Variants in HCRTR2 observed in about 807,000 individuals in gnomAD.
The protein encoded by HCRTR2 is orexin receptor type 2.
Under a neutral mutation model 49.0 loss-of-function variants are expected in HCRTR2, and 22 were observed. That is an observed-to-expected ratio of 0.45 (90% CI 0.32 to 0.64). HCRTR2 has a LOEUF of 0.64. HCRTR2 is among the 30% of genes least tolerant of loss of function. The probability of loss-of-function intolerance (pLI) is 0.04; values close to 1 mark genes in which losing one functional copy is unlikely to be tolerated. For missense variants in HCRTR2, 491 were observed against 559.4 expected (o/e 0.88, Z 1.23); for synonymous variants, 236 against 205.3 (o/e 1.15, Z -1.28).
chr6:55,224,531 G>C (rs1048502569), intron 1 of HCRTR2, among the ~76,000 whole-genome samples: 7 of 152,050 alleles, frequency 4.6e-5, no homozygotes, highest in African/African-American at 1.7e-4. Context: ...GCTGAGGCAG[G>C]AGAATGGCGT....
At chr6:55,213,063 G>C (rs1268781568) in intron 1 of HCRTR2, among the ~76,000 whole-genome samples, 1 of 149,914 alleles carries the variant, frequency 6.7e-6, no homozygotes, top group African/African-American at 2.4e-5. Context: ...GAAAGTAAGA[G>C]TACATGAAAA....
intron 1 of HCRTR2, among the ~76,000 whole-genome samples, chr6:55,155,987 T>C (rs1764725246): frequency 6.6e-6 from 1 of 152,064 alleles, no homozygotes; most frequent in East Asian, 1.9e-4. Flanking sequence ...AAACTTCAGG[T>C]ACCATCCTCA....
At chr6:55,253,980 C>T (rs895682469) in intron 2 of HCRTR2, among the ~76,000 whole-genome samples, 8 of 152,066 alleles carry the variant, frequency 5.3e-5, no homozygotes, top group Non-Finnish European at 1.2e-4. Flanking sequence ...ACACCCATGA[C>T]AGACATTTAT....
At chr6:55,270,741 C>T (rs1276846916) in intron 4 of HCRTR2, among the ~76,000 whole-genome samples, 1 of 152,120 alleles carries the variant, frequency 6.6e-6, no homozygotes, top group Non-Finnish European at 1.5e-5. Context: ...TAAGTCACAT[C>T]TACAAGATAT....
chr6:55,219,786 A>C (rs1765855667), intron 1 of HCRTR2, among the ~76,000 whole-genome samples: 1 of 151,892 alleles, frequency 6.6e-6, no homozygotes, highest in Admixed American at 6.5e-5. Context: ...AGATCAATAA[A>C]ATTTACAAAC....
chr6:55,242,820 T>C (rs1388147106), intron 1 of HCRTR2, among the ~76,000 whole-genome samples: 1 of 152,228 alleles, frequency 6.6e-6, no homozygotes, highest in East Asian at 1.9e-4. Context: ...AAACAAAAGC[T>C]AGTTTATTAT....
chr6:55,150,133 T>C (rs1016125646), intron 1 of HCRTR2, among the ~76,000 whole-genome samples: 1 of 151,878 alleles, frequency 6.6e-6, no homozygotes, highest in African/African-American at 2.4e-5. Flanking sequence ...ACATTTAATA[T>C]TCTACATTAA....
upstream of HCRTR2, among the ~76,000 whole-genome samples, chr6:55,170,851 C>G (rs892429085): frequency 6.7e-6 from 1 of 150,176 alleles, no homozygotes; most frequent in Non-Finnish European, 1.5e-5. Context: ...TTTGTCCTTG[C>G]GATAGTTTGC....
At chr6:55,224,355 C>T (rs961681347) in intron 1 of HCRTR2, among the ~76,000 whole-genome samples, 12 of 152,056 alleles carry the variant, frequency 7.9e-5, no homozygotes, top group Admixed American at 3.9e-4. Flanking sequence ...CGGTGGCTCA[C>T]GCCTGTAATC....
intron 2 of HCRTR2, among the ~76,000 whole-genome samples, chr6:55,250,130 TA>T (rs1343248123): frequency 6.6e-6 from 1 of 152,078 alleles, no homozygotes; most frequent in African/African-American, 2.4e-5. Flanking sequence ...AAGTGGAAAA[TA>T]CTATAGAAGT....
chr6:55,124,891 G>A (rs941413070), intron 1 of HCRTR2, among the ~76,000 whole-genome samples: 1 of 147,804 alleles, frequency 6.8e-6, no homozygotes, highest in Admixed American at 6.8e-5. Context: ...ATCTTTGTTG[G>A]TTTACAATCT....
intron 1 of HCRTR2, among the ~76,000 whole-genome samples, chr6:55,177,615 A>G (rs917172212): frequency 2.6e-5 from 4 of 152,158 alleles, no homozygotes; most frequent in African/African-American, 9.7e-5. Context: ...CTTTCATATA[A>G]CTGCTTGGAA....
At chr6:55,130,630 A>C (rs1483392698) in intron 1 of HCRTR2, among the ~76,000 whole-genome samples, 1 of 151,808 alleles carries the variant, frequency 6.6e-6, no homozygotes, top group Non-Finnish European at 1.5e-5. Context: ...ATAACTTCTC[A>C]TTACTTTTAG....
intron 1 of HCRTR2, among the ~76,000 whole-genome samples, chr6:55,189,922 C>T (rs1171104460): frequency 2.0e-5 from 3 of 152,102 alleles, no homozygotes; most frequent in East Asian, 3.9e-4. Flanking sequence ...GACAAAGATA[C>T]GTGGAGTTTG....
chr6:55,143,671 A>G (rs2127254167), intron 1 of HCRTR2, among the ~76,000 whole-genome samples: 1 of 152,310 alleles, frequency 6.6e-6, no homozygotes, highest in South Asian at 2.1e-4. Flanking sequence ...CAAATACTTG[A>G]CTTTTAGCAT....
intron 1 of HCRTR2, among the ~76,000 whole-genome samples, chr6:55,166,554 C>T (rs935750335): frequency 6.6e-6 from 1 of 152,022 alleles, no homozygotes; most frequent in Non-Finnish European, 1.5e-5. Flanking sequence ...TGGAAAATAA[C>T]TCGTGTTGAT....
intron 1 of HCRTR2, among the ~76,000 whole-genome samples, chr6:55,175,565 T>A (rs1281119132): frequency 1.3e-4 from 20 of 152,038 alleles, no homozygotes; most frequent in Admixed American, 1.2e-3. Context: ...TCATGTCAAC[T>A]GTTTGTTGTT....
At chr6:55,228,251 G>A (rs1049027645) in intron 1 of HCRTR2, among the ~76,000 whole-genome samples, 1 of 152,052 alleles carries the variant, frequency 6.6e-6, no homozygotes, top group Non-Finnish European at 1.5e-5. Context: ...GTTGAATGAA[G>A]AAAGTTATTA....
intron 1 of HCRTR2, among the ~76,000 whole-genome samples, chr6:55,144,578 A>G (rs1764553613): frequency 6.6e-6 from 1 of 152,172 alleles, no homozygotes; most frequent in Non-Finnish European, 1.5e-5. Context: ...TGGTTTCAGG[A>G]TGAAACTTCC....
Sources: gnomAD v4.1 joint callset for allele counts (sites outside exome capture counted in the v4.1 genomes callset) on GRCh38, gnomAD v4.1.1 for gene constraint, MANE v1.5 for transcripts, NCBI Gene and HGNC (gene_info 2026-07-23, HGNC 2026-07-21) for gene names.